Variants in OVOL1 observed in about 807,000 individuals in gnomAD.
OVOL1 encodes putative transcription factor Ovo-like 1.
OVOL1 carries 10 observed loss-of-function variants against 21.5 expected under a neutral mutation model. The ratio of observed to expected loss-of-function variants is 0.46; its 90% CI spans 0.29 to 0.79. The LOEUF is 0.79. Ranked by LOEUF, OVOL1 falls within the 30% of genes least tolerant of loss-of-function variation. The pLI is 0.10. For synonymous variants in OVOL1, 129 were observed against 150.3 expected, an observed-to-expected ratio of 0.86 and a Z score of 1.03; for missense variants, 279 against 362.3, an observed-to-expected ratio of 0.77 and a Z score of 1.87.
intron 1 of OVOL1, among the ~76,000 whole-genome samples, chr11:65,791,429 G>C (rs1249461348): frequency 6.6e-6 from 1 of 152,236 alleles, no homozygotes. Flanking sequence ...GGGCCCAGGA[G>C]GGGGTCATCC....
At position 65,787,445 on chromosome 11, in the gene OVOL1, C is replaced by T; in HGVS notation, c.72C>T (p.Asp24=). ...TCKRNWSELP[D]EERGEIYVPV... ...AGAGGAACTGGAGCGAGCTCCCCGA[C>T]GAGGAGCGCGGCGAGATCTACGTGC... The change falls in exon 1 of 4, where the codon GAC becomes GAT. Residue 24 remains aspartate (D), a synonymous_variant. Coordinates refer to ENST00000335987, the MANE Select transcript of OVOL1 (RefSeq NM_004561.4). 1.9e-6 allele frequency: 3 copies of T among 1,584,664 alleles called. No individual in the cohort carries two copies. Among genetic ancestry groups the T allele is most frequent in the Non-Finnish European group, 2.6e-6 (3 of 1,165,540 alleles).
In OVOL1 at chr11:65,787,259, CGACTCCT is replaced by C; in HGVS notation, c.-114_-108del. On this transcript the variant is annotated 5_prime_UTR_variant, in exon 1 of 4. Transcript: ENST00000335987. ...TCCCCGGAACGTGGGGGCGCCTTAG[CGACTCCT>C]TCCCTGTTGTGCCCCCGTTCCCGGC... 1.2e-6 allele frequency: 1 copy of C among 808,736 alleles called. No homozygotes were observed. 50.1% of individuals were successfully genotyped at this position (808,736 alleles called of 1,614,324 possible).
At chr11:65,793,368 G>A (rs1858063037) in intron 1 of OVOL1, among the ~76,000 whole-genome samples, 1 of 152,230 alleles carries the variant, frequency 6.6e-6, no homozygotes. Context: ...GGTTGCATAA[G>A]CCTGGGCAGG....
At chr11:65,792,611 G>A (rs1002028020) in intron 1 of OVOL1, among the ~76,000 whole-genome samples, 2 of 152,232 alleles carry the variant, frequency 1.3e-5, no homozygotes, top group Non-Finnish European at 2.9e-5. Flanking sequence ...CAGCCCAGAG[G>A]CCAGGCCGGG....
intron 1 of OVOL1, chr11:65,788,967 C>T (rs1366583633): frequency 1.5e-5 from 15 of 985,648 alleles, no homozygotes; most frequent in Non-Finnish European, 1.8e-5. Context: ...CTCCCCGCTC[C>T]GCCCTCCGCC....
At chr11:65,794,390 C>G in intron 2 of OVOL1, 142 bp downstream of exon 2, 2 of 1,078,156 alleles carry the variant, frequency 1.9e-6, no homozygotes, top group Non-Finnish European at 2.7e-6. Flanking sequence ...GTGCCGATCT[C>G]CGGGCAGACG....
rs772613012 is a variant in OVOL1, at chr11:65,795,342, G to C, written c.*1G>C. 6.3e-7 allele frequency: 1 copy of C among 1,585,956 alleles called. No homozygotes were observed. Among genetic ancestry groups the C allele is most frequent in the African/African-American group, 1.3e-5 (1 of 74,366 alleles). On this transcript the variant is annotated 3_prime_UTR_variant, in exon 4 of 4. Coordinates refer to ENST00000335987, the MANE Select transcript of OVOL1 (RefSeq NM_004561.4). This position sits in a 1 kb window ranked among gnomAD's most constrained non-coding sequence, Gnocchi z 5.7. ...GCTGCAGGGCAGCCCCCACCTGTGA[G>C]TGGCTCGAGCCCTGGGGGTGCTCCT...
intron 3 of OVOL1, 68 bp from the exon 4 acceptor site, chr11:65,794,978 C>T: frequency 6.6e-7 from 1 of 1,519,606 alleles, no homozygotes; most frequent in East Asian, 2.4e-5. Flanking sequence ...CTTTCTGTGT[C>T]TGGAAGCAGC....
At chr11:65,788,186 G>A (rs985310023) in intron 1 of OVOL1, among the ~76,000 whole-genome samples, 3 of 152,344 alleles carry the variant, frequency 2.0e-5, no homozygotes, top group East Asian at 1.9e-4. Flanking sequence ...ACAATTGCAT[G>A]GAAAGCAGCT....
chr11:65,788,732 C>G (rs916540154), intron 1 of OVOL1: 2 of 985,300 alleles, frequency 2.0e-6, no homozygotes, highest in Non-Finnish European at 2.4e-6. Context: ...CTCAAGGGGA[C>G]CCCTCTTCCA....
intron 1 of OVOL1, among the ~76,000 whole-genome samples, chr11:65,787,847 G>T (rs370623297): frequency 6.6e-6 from 1 of 152,246 alleles, no homozygotes; most frequent in Non-Finnish European, 1.5e-5. Context: ...GGACTCGCAT[G>T]AGGCGGGAGA....
At position 65,796,454 on chromosome 11, in the gene OVOL1, A is replaced by T. The variant is rs1366312762; in HGVS notation, c.*1113A>T. On this transcript the variant is annotated 3_prime_UTR_variant, in exon 4 of 4. Transcript: ENST00000335987. ...CCCATCCACTACCTGAAGCACTAGG[A>T]CACTCTTGCAGGGCCAGGCTGGAAG... 1.3e-5 allele frequency: 2 copies of T among 152,240 alleles called. No individual in the cohort carries two copies. 9.4% of individuals were successfully genotyped at this position (152,240 alleles called of 1,614,324 possible).
chr11:65,795,448 T>C lies in OVOL1; in HGVS notation c.*107T>C, dbSNP rs1858113917. Reference sequence around the variant, plus strand: ...CTGCAACCTCTCACCCGAACACCAGTGATCAGGACTGGAGCCCCCGTGCCT... The same window carrying C: ...CTGCAACCTCTCACCCGAACACCAGCGATCAGGACTGGAGCCCCCGTGCCT... On this transcript the variant is annotated 3_prime_UTR_variant, in exon 4 of 4. Transcript: ENST00000335987. The surrounding 1 kb of genome is among the most constrained non-coding windows in gnomAD (Gnocchi z 5.7). 2 of 1,047,478 alleles carry C rather than the reference T, an allele frequency of 1.9e-6. No individual in the cohort carries two copies. The highest frequency in any genetic ancestry group is 4.3e-5 in the Admixed American group (2 of 46,662). 64.9% of individuals were successfully genotyped at this position (1,047,478 alleles called of 1,614,324 possible).
In OVOL1 at chr11:65,795,051, C is replaced by T. The variant is rs756785367; in HGVS notation, c.514C>T (p.Arg172Trp). 6.2e-7 allele frequency: 1 copy of T among 1,611,970 alleles called. No individual in the cohort carries two copies. The highest frequency in any genetic ancestry group is 8.5e-7 in the Non-Finnish European group (1 of 1,179,630). The change falls in exon 4 of 4, where the codon CGG (arginine) becomes TGG (tryptophan). Residue 172 changes from arginine (R) to tryptophan (W), a missense_variant. Transcript: ENST00000335987. This position sits in a 1 kb window ranked among gnomAD's most constrained non-coding sequence, Gnocchi z 5.7. ...KRHVRTHTGV[R>W]PYKCSLCDKA... ...GGCCCCTGTCCTCCCCACAGGCGTG[C>T]GGCCCTACAAGTGCAGCCTGTGTGA...
chr11:65,792,641 A>G (rs1420603800), intron 1 of OVOL1, among the ~76,000 whole-genome samples: 1 of 152,204 alleles, frequency 6.6e-6, no homozygotes, highest in Non-Finnish European at 1.5e-5. Context: ...TGGTGAATCA[A>G]CCCTAGGAAT....
Position 65,794,156 on chromosome 11 carries a change from C to T in OVOL1, c.226C>T (p.Pro76Ser). ...RDSSYSMAPG[P>S]CVVAQLPSED... is the part of the protein sequence containing the mutation. ...CTCTAGCTACAGCATGGCCCCCGGGCCCTGTGTGGTGGCCCAGCTGCCCTC... is the reference window on the plus strand; with the variant it reads ...CTCTAGCTACAGCATGGCCCCCGGGTCCTGTGTGGTGGCCCAGCTGCCCTC... Residue 76 changes from proline (P) to serine (S), a missense_variant, in exon 2 of 4, where the codon CCC becomes TCC. By Grantham distance (74) the Pro-to-Ser change is moderately conservative (BLOSUM62 -1). Transcript: ENST00000335987. 6.2e-7 allele frequency: 1 copy of T among 1,613,812 alleles called. No individual in the cohort carries two copies. Among genetic ancestry groups the T allele is most frequent in the Non-Finnish European group, 8.5e-7 (1 of 1,180,028 alleles).
intron 1 of OVOL1, among the ~76,000 whole-genome samples, chr11:65,788,204 G>A (rs554906387): frequency 1.3e-5 from 2 of 152,346 alleles, no homozygotes; most frequent in East Asian, 3.9e-4. Flanking sequence ...GCTGCAGGGA[G>A]CCCACCCCAC....
At position 65,788,370 on chromosome 11, in the gene OVOL1, CA is replaced by C. The variant is rs1204010392; in HGVS notation, c.100+900del. On this transcript the variant is annotated intron_variant, in intron 1 of 3. Transcript: ENST00000335987. ...CCCTTCTGTCCTCCCCCACCCCCAA[CA>C]AAGTCTTTGGTCTGGAGAAAGCCTG... The C allele has an allele frequency of 3.9e-6, 3 of 762,920 alleles. No homozygotes were observed. In the African/African-American group the frequency reaches 5.6e-5, roughly 14 times the overall value. The allele number at this position is 762,920 out of a possible 1,614,324, so 47.3% of individuals were successfully genotyped here. A position where few individuals can be genotyped will look rare whatever the true frequency, so the allele number is the denominator to read the frequency against.
intron 1 of OVOL1, chr11:65,788,382 T>C (rs1467425345): frequency 2.5e-5 from 22 of 897,698 alleles, no homozygotes; most frequent in Non-Finnish European, 2.8e-5. Context: ...AAGTCTTTGG[T>C]CTGGAGAAAG....
Sources: allele counts gnomAD v4.1 joint callset (sites outside exome capture counted in the v4.1 genomes callset), GRCh38; gene constraint gnomAD v4.1.1; non-coding constraint Gnocchi (gnomAD v3.1); transcripts MANE v1.5; gene names NCBI Gene and HGNC (gene_info 2026-07-23, HGNC 2026-07-21).